The following FBXL13 variants were observed in gnomAD, a reference collection of about 807,000 sequenced individuals.
FBXL13 encodes F-box and leucine rich repeat protein 13.
FBXL13 carries 67 observed loss-of-function variants against 83.6 expected under a neutral mutation model. That is an observed-to-expected ratio of 0.80 (90% CI 0.66 to 0.98). The LOEUF (loss-of-function observed/expected upper bound fraction) is 0.98, where lower values mean the gene tolerates loss of function less well. Ranked by LOEUF, FBXL13 falls within the 50% of genes least tolerant of loss-of-function variation. FBXL13 has a pLI of 0.00. For synonymous variants in FBXL13, 272 were observed against 299.5 expected (o/e 0.91, Z 0.95); for missense variants, 822 against 866.5 (o/e 0.95, Z 0.64).
chr7:103,069,216 G>C (rs960149278), intron 1 of FBXL13, among the ~76,000 whole-genome samples: 15 of 151,886 alleles, frequency 9.9e-5, no homozygotes, highest in African/African-American at 3.6e-4. Flanking sequence ...GGGAAGAGAG[G>C]AGCGCCTCTG....
intron 6 of FBXL13, chr7:102,973,536 A>G (rs753395626): frequency 6.5e-6 from 5 of 764,532 alleles, no homozygotes; most frequent in Non-Finnish European, 1.2e-5. Context: ...GGCGCTCATT[A>G]AAACAGCAGG....
At chr7:103,039,352 GGT>G (rs1429714253) in intron 2 of FBXL13, among the ~76,000 whole-genome samples, 1 of 152,204 alleles carries the variant, frequency 6.6e-6, no homozygotes, top group Non-Finnish European at 1.5e-5. Flanking sequence ...ACATTTGATT[GGT>G]GTACTGGAAA....
chr7:102,830,327 T>G (rs1800436627), intron 18 of FBXL13, among the ~76,000 whole-genome samples: 1 of 152,238 alleles, frequency 6.6e-6, no homozygotes, highest in South Asian at 2.1e-4. Context: ...AGTCTCCATC[T>G]GTGCCTGCTT....
rs1465324124 is a variant in FBXL13 at position 102,827,783 on chromosome 7, T to A, written c.1854+5057A>T. Reference sequence around the variant, plus strand: ...TGAGTGAGAACATGCAGTGTTTGGTTTTTTGTCCTTGCGATAGTTTGCTGA... The same window carrying A: ...TGAGTGAGAACATGCAGTGTTTGGTATTTTGTCCTTGCGATAGTTTGCTGA... On this transcript the variant is annotated intron_variant, in intron 18 of 19. Coordinates refer to ENST00000313221, the Ensembl canonical transcript of FBXL13. Among the ~76,000 whole-genome samples, 10 of 152,244 alleles carry A rather than the reference T, an allele frequency of 6.6e-5. 2 individuals carry two copies. The highest frequency in any genetic ancestry group is 5.9e-4 in the Admixed American group (9 of 15,298).
At chr7:102,945,192 T>C (rs1822259679) in intron 8 of FBXL13, among the ~76,000 whole-genome samples, 1 of 152,128 alleles carries the variant, frequency 6.6e-6, no homozygotes, top group South Asian at 2.1e-4. Flanking sequence ...TGAAAGGGAA[T>C]TGTCACAAAC....
At chr7:103,058,127 G>A (rs949172804) in intron 1 of FBXL13, among the ~76,000 whole-genome samples, 1 of 152,142 alleles carries the variant, frequency 6.6e-6, no homozygotes, top group Non-Finnish European at 1.5e-5. Context: ...ATTGGACCCT[G>A]CATAATAACA....
chr7:102,852,106 T>C (rs899161776), intron 17 of FBXL13, among the ~76,000 whole-genome samples: 1 of 152,170 alleles, frequency 6.6e-6, no homozygotes, highest in Non-Finnish European at 1.5e-5. Context: ...TTTACCACAC[T>C]GCAGTTCATC....
chr7:103,074,786 G>C (rs2129517122), upstream of FBXL13: 1 of 1,288,458 alleles, frequency 7.8e-7, no homozygotes, highest in African/African-American at 1.5e-5. Flanking sequence ...AAGGCCTGAC[G>C]GAGAAGCTGC....
chr7:103,028,222 TA>T (rs1563242003), intron 4 of FBXL13, among the ~76,000 whole-genome samples: 1 of 152,176 alleles, frequency 6.6e-6, no homozygotes, highest in Non-Finnish European at 1.5e-5. Flanking sequence ...TCGTCATATA[TA>T]CATTAAATAT....
chr7:103,024,936 C>G (rs1190278282), intron 6 of FBXL13, 127 bp downstream of exon 7: 2 of 394,280 alleles, frequency 5.1e-6, no homozygotes, highest in African/African-American at 2.5e-5. Context: ...TCTCGGCTCA[C>G]TGCAACCTCT....
chr7:102,853,531 A>T (rs946501164), intron 17 of FBXL13, among the ~76,000 whole-genome samples: 1 of 152,212 alleles, frequency 6.6e-6, no homozygotes, highest in Non-Finnish European at 1.5e-5. Flanking sequence ...GGATCTAATT[A>T]AACTAAAGAG....
At chr7:102,866,691 T>C (rs941825852) in intron 16 of FBXL13, among the ~76,000 whole-genome samples, 1 of 152,164 alleles carries the variant, frequency 6.6e-6, no homozygotes, top group Non-Finnish European at 1.5e-5. Context: ...TATCATCAGA[T>C]TAAGACACGC....
chr7:102,961,537 A>G (rs1310951038), intron 8 of FBXL13, among the ~76,000 whole-genome samples: 2 of 143,550 alleles, frequency 1.4e-5, no homozygotes, highest in East Asian at 2.1e-4. Flanking sequence ...AGTCAATCCT[A>G]AGCCAAAAGA....
At chr7:102,927,523 T>C (rs1250943075) in intron 9 of FBXL13, among the ~76,000 whole-genome samples, 1 of 152,190 alleles carries the variant, frequency 6.6e-6, no homozygotes, top group African/African-American at 2.4e-5. Flanking sequence ...TTTAAAACAA[T>C]AAAATCCTGC....
intron 8 of FBXL13, among the ~76,000 whole-genome samples, chr7:102,949,701 A>G (rs892566948): frequency 6.6e-6 from 1 of 152,226 alleles, no homozygotes; most frequent in African/African-American, 2.4e-5. Context: ...TACTGCGTGA[A>G]ATATATTTTA....
At chr7:103,009,333 T>A (rs557593227) in intron 6 of FBXL13, among the ~76,000 whole-genome samples, 91 of 151,312 alleles carry the variant, frequency 6.0e-4, no homozygotes, top group African/African-American at 2.2e-3. Context: ...ATTCAATCCA[T>A]CAAGGCAGCA....
intron 8 of FBXL13, chr7:102,942,347 G>C (rs1821625696): frequency 6.4e-7 from 1 of 1,571,772 alleles, no homozygotes; most frequent in Non-Finnish European, 8.6e-7. Flanking sequence ...GCTGTGGTAA[G>C]TATACAAATG....
chr7:102,911,556 G>C (rs531056222), intron 11 of FBXL13, among the ~76,000 whole-genome samples: 13 of 152,294 alleles, frequency 8.5e-5, no homozygotes, highest in African/African-American at 2.9e-4. Context: ...GGAACTGAGA[G>C]ATATCTTCTT....
intron 11 of FBXL13, among the ~76,000 whole-genome samples, chr7:102,899,676 G>A (rs1344147643): frequency 1.3e-5 from 2 of 152,186 alleles, no homozygotes; most frequent in African/African-American, 2.4e-5. Context: ...ATGACTAGTA[G>A]CCATGGGAAA....
Sources: gnomAD v4.1 joint callset for allele counts (sites outside exome capture counted in the v4.1 genomes callset) on GRCh38, gnomAD v4.1.1 for gene constraint, MANE v1.5 for transcripts, NCBI Gene and HGNC (gene_info 2026-07-23, HGNC 2026-07-21) for gene names.